Variants in KAZN observed in about 807,000 individuals in gnomAD.
KAZN encodes kazrin, periplakin interacting protein, also known as kazrin.
Under a neutral mutation model 87.4 loss-of-function variants are expected in KAZN, and 40 were observed. That is an observed-to-expected ratio of 0.46 (90% confidence interval 0.36 to 0.60). The LOEUF is 0.60. Among genes scored for constraint, KAZN ranks in the 20% least tolerant of loss-of-function variants. KAZN has a pLI of 0.00. For missense variants in KAZN, 898 were observed against 1,073.9 expected, an observed-to-expected ratio of 0.84 and a Z score of 2.29; for synonymous variants, 466 against 458.3, an observed-to-expected ratio of 1.02 and a Z score of -0.22.
chr1:14,266,401 A>C (rs1314321913), intron 2 of KAZN, among the ~76,000 whole-genome samples: 1 of 152,222 alleles, frequency 6.6e-6, no homozygotes, highest in Non-Finnish European at 1.5e-5. Flanking sequence ...CTCATTAAAC[A>C]TTGATGATGT....
intron 2 of KAZN, among the ~76,000 whole-genome samples, chr1:14,318,464 C>T (rs1034547609): frequency 2.0e-5 from 3 of 151,858 alleles, no homozygotes; most frequent in South Asian, 4.1e-4. Context: ...AGTTTTTTCT[C>T]TTCTGCTTTT....
At chr1:14,464,148 T>C (rs950517303) in intron 2 of KAZN, among the ~76,000 whole-genome samples, 1 of 152,204 alleles carries the variant, frequency 6.6e-6, no homozygotes, top group African/African-American at 2.4e-5. Flanking sequence ...GTGCAACACA[T>C]GCTCCCTCCC....
intron 1 of KAZN, among the ~76,000 whole-genome samples, chr1:14,021,963 T>TA (rs1390936435): frequency 6.7e-6 from 1 of 148,790 alleles, no homozygotes; most frequent in Non-Finnish European, 1.5e-5. Flanking sequence ...CTTTTTTTTT[T>TA]TTTTTTTTTG....
intron 2 of KAZN, among the ~76,000 whole-genome samples, chr1:14,392,546 A>G (rs939621424): frequency 2.0e-5 from 3 of 151,994 alleles, no homozygotes; most frequent in Non-Finnish European, 2.9e-5. Context: ...CCCTTCCCCA[A>G]GCTTCCATCT....
In KAZN at chr1:15,056,831, G is replaced by C. The variant is rs112090309; in HGVS notation, c.916+551G>C. On this transcript the variant is annotated intron_variant, in intron 5 of 14. Transcript: ENST00000376030. The surrounding 1 kb of genome is among the most constrained non-coding windows in gnomAD (Gnocchi z 5.4). ...GGCACTCGGCAGGGAAGTCTGGCCT[G>C]TGGACAGCATCTGCACCTACTGCCC... Among the ~76,000 whole-genome samples the C allele has an allele frequency of 8.7e-3, 1,330 of 152,354 alleles. 18 individuals are homozygous for C. Among genetic ancestry groups the C allele is most frequent in the South Asian group, 0.042 (205 of 4,830 alleles).
At chr1:14,557,683 G>GAA (rs1673994419) in intron 2 of KAZN, among the ~76,000 whole-genome samples, 2 of 151,058 alleles carry the variant, frequency 1.3e-5, no homozygotes, top group South Asian at 2.1e-4. Context: ...GAGAGAGAGA[G>GAA]AGAGAGAGAG....
chr1:14,004,173 CA>C (rs1314116804), intron 1 of KAZN, among the ~76,000 whole-genome samples: 4 of 151,240 alleles, frequency 2.6e-5, no homozygotes, highest in African/African-American at 9.7e-5. Flanking sequence ...CCGTGATATA[CA>C]ACTATGCCCA....
chr1:14,845,794 C>A (rs1648682766), intron 1 of KAZN, among the ~76,000 whole-genome samples: 1 of 152,040 alleles, frequency 6.6e-6, no homozygotes, highest in African/African-American at 2.4e-5. Context: ...TGGAAAATAT[C>A]TGTGAGGGAA....
At chr1:15,079,883 AG>A (rs898085377) in intron 8 of KAZN, among the ~76,000 whole-genome samples, 1 of 152,264 alleles carries the variant, frequency 6.6e-6, no homozygotes, top group Non-Finnish European at 1.5e-5. Context: ...AGGAAGAAAG[AG>A]GAAAGCTTTT....
rs71000360 is a variant in KAZN at position 15,041,331 on chromosome 1, C to CTTTTTTTTTTTTTTTTT, written c.556-2643_556-2642insTTTTTTTTTTTTTTTTT. On this transcript the variant is annotated intron_variant, in intron 3 of 14. Coordinates refer to ENST00000376030, the MANE Select transcript of KAZN (RefSeq NM_201628.3). ...GTATTCTACTCTCCGCATTTTTTTT[C>CTTTTTTTTTTTTTTTTT]TTTTTTTTTTTTTTTGTTTTTTTGA... Among the ~76,000 whole-genome samples the CTTTTTTTTTTTTTTTTT allele has an allele frequency of 3.1e-3, 354 of 114,086 alleles. 1 individual carries two copies. Among genetic ancestry groups the CTTTTTTTTTTTTTTTTT allele is most frequent in the African/African-American group, 6.1e-3 (172 of 28,276 alleles). The allele number at this position is 114,086 out of a possible 152,430, so 74.8% of individuals were successfully genotyped here.
intron 2 of KAZN, among the ~76,000 whole-genome samples, chr1:14,227,928 T>C (rs1015316292): frequency 6.6e-6 from 1 of 152,130 alleles, no homozygotes; most frequent in Non-Finnish European, 1.5e-5. Flanking sequence ...AGACTCAGGG[T>C]GCTGCTTTGT....
At chr1:14,902,514 C>A (rs1656048777) in intron 1 of KAZN, among the ~76,000 whole-genome samples, 1 of 152,182 alleles carries the variant, frequency 6.6e-6, no homozygotes, top group South Asian at 2.1e-4. Context: ...AGGCGTGAGC[C>A]ACCGCGCCCA....
chr1:13,914,000 CTG>C (rs1207937547), intron 1 of KAZN, among the ~76,000 whole-genome samples: 1 of 152,234 alleles, frequency 6.6e-6, no homozygotes, highest in African/African-American at 2.4e-5. Flanking sequence ...ATCAGAGACT[CTG>C]GGGGTGAGGC....
chr1:14,404,006 G>T (rs945520070), intron 2 of KAZN, among the ~76,000 whole-genome samples: 1 of 152,136 alleles, frequency 6.6e-6, no homozygotes, highest in African/African-American at 2.4e-5. Context: ...GGAACTTGAG[G>T]GGGTGGTGTC....
intron 2 of KAZN, among the ~76,000 whole-genome samples, chr1:14,234,409 T>TG (rs34408876): frequency 0.35 from 47,923 of 138,512 alleles, 7,877 homozygotes; most frequent in East Asian, 0.58. Context: ...TGTTAGGGGA[T>TG]GGGGGGCTAG....
rs530586597 is a variant in KAZN at position 14,073,443 on chromosome 1, C to T, written c.92-106992C>T. Among the ~76,000 whole-genome samples, 275 of 152,208 alleles carry T rather than the reference C, an allele frequency of 1.8e-3. 4 individuals are homozygous for T. The South Asian group carries it at 0.055, about 30-fold the overall frequency. On this transcript the variant is annotated intron_variant, in intron 1 of 16. Transcript: ENST00000636203. ...TACTTTAAGTTCTGGGATACATGTG[C>T]AGAATGTGCGGGTTTGTTGCATAGG...
At chr1:14,022,092 A>G (rs1640855004) in intron 1 of KAZN, among the ~76,000 whole-genome samples, 1 of 151,618 alleles carries the variant, frequency 6.6e-6, no homozygotes, top group Non-Finnish European at 1.5e-5. Flanking sequence ...AATTGATTTC[A>G]TATCTTGTTG....
At chr1:14,142,488 T>C (rs1055166106) in intron 1 of KAZN, among the ~76,000 whole-genome samples, 1 of 152,216 alleles carries the variant, frequency 6.6e-6, no homozygotes, top group Non-Finnish European at 1.5e-5. Flanking sequence ...TTTCACAAGA[T>C]GTACAAAATA....
At chr1:14,575,059 C>T (rs1675096393) in intron 2 of KAZN, among the ~76,000 whole-genome samples, 1 of 152,102 alleles carries the variant, frequency 6.6e-6, no homozygotes, top group Non-Finnish European at 1.5e-5. Flanking sequence ...CAGATGGACC[C>T]TTTATTTCAC....
Sources: allele counts gnomAD v4.1 joint callset (sites outside exome capture counted in the v4.1 genomes callset), GRCh38; gene constraint gnomAD v4.1.1; non-coding constraint Gnocchi (gnomAD v3.1); transcripts MANE v1.5; gene names NCBI Gene and HGNC (gene_info 2026-07-23, HGNC 2026-07-21).